Variants in POLR1C observed in about 807,000 individuals in gnomAD.
POLR1C encodes the protein DNA-directed RNA polymerases I and III subunit RPAC1.
A neutral mutation model predicts 38.3 loss-of-function variants in POLR1C; 42 were observed. The ratio of observed to expected loss-of-function variants is 1.10; its 90% CI spans 0.86 to 1.42. The LOEUF (loss-of-function observed/expected upper bound fraction) is 1.42. Among genes scored for constraint, POLR1C ranks in the 40% most tolerant of loss-of-function variants. POLR1C has a pLI of 0.00. For missense variants in POLR1C, 507 were observed against 450.5 expected (o/e 1.13, Z -1.14); for synonymous variants, 163 against 163.9 (o/e 0.99, Z 0.04).
At chr6:43,553,635 G>A in intron 10 of POLR1C, 3 of 1,424,750 alleles carry the variant, frequency 2.1e-6, no homozygotes, top group Non-Finnish European at 2.7e-6. Context: ...TGAAGGAGCA[G>A]GGTAATCTAA....
chr6:43,543,445 C>T (rs772687875), intron 9 of POLR1C, among the ~76,000 whole-genome samples: 6 of 151,926 alleles, frequency 3.9e-5, no homozygotes, highest in South Asian at 2.1e-4. Flanking sequence ...AGGATAAGAT[C>T]GTGCCTCAAA....
intron 9 of POLR1C, chr6:43,538,708 T>G: frequency 2.1e-6 from 1 of 473,042 alleles, no homozygotes; most frequent in Non-Finnish European, 3.7e-6. Context: ...GTACTGTTAA[T>G]GTCTGGTTTT....
intron 9 of POLR1C, chr6:43,548,472 A>G (rs765026619): frequency 3.3e-6 from 5 of 1,524,830 alleles, no homozygotes; most frequent in South Asian, 2.6e-5. Context: ...TACAGATCAA[A>G]AAGAAAAAAA....
downstream of POLR1C, chr6:43,524,650 G>C (rs1793433772): frequency 1.2e-6 from 2 of 1,611,646 alleles, no homozygotes; most frequent in Non-Finnish European, 1.7e-6. Flanking sequence ...TATCAGCAGG[G>C]ATAAACTTAC....
downstream of POLR1C, chr6:43,530,733 C>G: frequency 6.2e-7 from 1 of 1,613,870 alleles, no homozygotes; most frequent in Non-Finnish European, 8.5e-7. Context: ...TTCAAGTTGA[C>G]AAAGGCTGAG....
chr6:43,551,563 C>T, intron 10 of POLR1C: 1 of 1,375,488 alleles, frequency 7.3e-7, no homozygotes, highest in Non-Finnish European at 1.0e-6. Flanking sequence ...CATTCTGTCA[C>T]CTAGGCTGGA....
At chr6:43,545,733 A>G (rs886582896) in intron 9 of POLR1C, among the ~76,000 whole-genome samples, 1 of 150,816 alleles carries the variant, frequency 6.6e-6, no homozygotes, top group Non-Finnish European at 1.5e-5. Context: ...CAAAAAAAAA[A>G]CCAATCCTGT....
At chr6:43,551,548 G>T in intron 10 of POLR1C, 6 of 1,456,002 alleles carry the variant, frequency 4.1e-6, no homozygotes, top group South Asian at 1.3e-5. Context: ...AAAGAGACAG[G>T]GTCTCATTCT....
chr6:43,538,111 A>G (rs901359247), intron 9 of POLR1C, among the ~76,000 whole-genome samples: 2 of 142,196 alleles, frequency 1.4e-5, no homozygotes, highest in Admixed American at 7.0e-5. Flanking sequence ...AAGGCAAGGA[A>G]CTTATAAATT....
rs779412597 is a variant in POLR1C, at chr6:43,520,776, T to G, written c.805+2T>G. On this transcript the variant is annotated splice_donor_variant, in intron 7 of 8. Coordinates refer to ENST00000642195, the MANE Select transcript of POLR1C (RefSeq NM_203290.4). LOFTEE classifies it high-confidence loss of function. ...TTATTGAGGTGCAGGAAGTCCAAGG[T>G]ATGGTATTTGGGATGCTGTTCAAGT... The G allele has an allele frequency of 6.2e-7, 1 of 1,613,786 alleles. No individual in the cohort carries two copies. Among genetic ancestry groups the G allele is most frequent in the South Asian group, 1.1e-5 (1 of 91,090 alleles).
At chr6:43,542,005 C>G (rs1468168166) in intron 9 of POLR1C, among the ~76,000 whole-genome samples, 1 of 152,064 alleles carries the variant, frequency 6.6e-6, no homozygotes, top group African/African-American at 2.4e-5. Context: ...GTCTTGAACT[C>G]TTGACCTCAA....
At chr6:43,548,195 G>C in intron 9 of POLR1C, 1 of 1,472,372 alleles carries the variant, frequency 6.8e-7, no homozygotes, top group Non-Finnish European at 9.1e-7. Flanking sequence ...CCCACCCTGG[G>C]CCTAGCTCTT....
downstream of POLR1C, chr6:43,531,718 T>A (rs1793991737): frequency 1.4e-5 from 10 of 702,498 alleles, no homozygotes; most frequent in South Asian, 1.7e-4. Context: ...GGCTACGTGA[T>A]TTGCTGCACT....
At chr6:43,558,605 G>A (rs1158711109) in intron 10 of POLR1C, 2 of 1,560,646 alleles carry the variant, frequency 1.3e-6, no homozygotes, top group East Asian at 4.6e-5. Context: ...GAAAAAGAAA[G>A]GTAATTGGGG....
chr6:43,542,661 A>G (rs142968836), intron 9 of POLR1C, among the ~76,000 whole-genome samples: 1 of 152,156 alleles, frequency 6.6e-6, no homozygotes, highest in East Asian at 1.9e-4. Flanking sequence ...CATGACCTCA[A>G]GTGATTCACC....
chr6:43,550,687 G>C (rs1795185241), intron 9 of POLR1C, among the ~76,000 whole-genome samples: 1 of 152,176 alleles, frequency 6.6e-6, no homozygotes. Context: ...TTTATTGTGA[G>C]ATGTCTCCAT....
Position 43,549,818 on chromosome 6 carries a change from T to C in POLR1C, c.*5-1150T>C, listed in dbSNP as rs556879121. 15 of 1,464,542 alleles carry C rather than the reference T, an allele frequency of 1.0e-5. No individual in the cohort carries two copies. In the East Asian group the frequency reaches 3.4e-4, roughly 33 times the overall value. The allele number at this position is 1,464,542 out of a possible 1,614,324, so 90.7% of individuals were successfully genotyped here. On this transcript the variant is annotated intron_variant, in intron 9 of 10. Coordinates refer to the POLR1C transcript ENST00000607635. The stretch of plus-strand genomic sequence containing the variant: ...CTACCCCCTCCCATTTATATAAAAA[T>C]ATAAACTGAGTATCAGGTATTCATA...
At chr6:43,528,923 C>A in intron 8 of POLR1C, 1 of 1,611,182 alleles carries the variant, frequency 6.2e-7, no homozygotes, top group Non-Finnish European at 8.5e-7. Flanking sequence ...TTTACAAAGA[C>A]ACGTGCTGCA....
At chr6:43,546,353 T>G (rs1794963299) in intron 9 of POLR1C, among the ~76,000 whole-genome samples, 1 of 152,208 alleles carries the variant, frequency 6.6e-6, no homozygotes, top group Admixed American at 6.5e-5. Flanking sequence ...AAAGCCCTTT[T>G]GGGATTATCC....
Sources: allele counts gnomAD v4.1 joint callset (sites outside exome capture counted in the v4.1 genomes callset), GRCh38; gene constraint gnomAD v4.1.1; transcripts MANE v1.5; gene names NCBI Gene and HGNC (gene_info 2026-07-23, HGNC 2026-07-21).